Variants in PTPRR observed in about 807,000 individuals in gnomAD.
PTPRR encodes the protein protein tyrosine phosphatase receptor type R.
A neutral mutation model predicts 77.2 loss-of-function variants in PTPRR; 38 were observed. The ratio of observed to expected loss-of-function variants is 0.49; its 90% confidence interval spans 0.38 to 0.65. PTPRR has a LOEUF of 0.65. Ranked by LOEUF, PTPRR falls within the 30% of genes least tolerant of loss-of-function variation. PTPRR has a pLI of 0.00. For missense variants in PTPRR, 744 were observed against 799.2 expected (o/e 0.93, Z 0.83); for synonymous variants, 299 against 283.1 (o/e 1.06, Z -0.57).
chr12:70,737,205 G>A (rs1004208648), intron 6 of PTPRR, among the ~76,000 whole-genome samples: 1 of 152,122 alleles, frequency 6.6e-6, no homozygotes, highest in Non-Finnish European at 1.5e-5. Flanking sequence ...TCCATGAGGG[G>A]CCACTCATGC....
chr12:70,638,187 T>G lies in PTPRR; in HGVS notation c.*997A>C, dbSNP rs1885826804. 1 of 151,828 alleles carries G rather than the reference T, an allele frequency of 6.6e-6. No individual in the cohort carries two copies. Among genetic ancestry groups the G allele is most frequent in the Non-Finnish European group, 1.5e-5 (1 of 68,008 alleles). The allele number at this position is 151,828 out of a possible 1,614,324, so 9.4% of individuals were successfully genotyped here. On this transcript the variant is annotated 3_prime_UTR_variant, in exon 14 of 14. Coordinates refer to ENST00000283228, the MANE Select transcript of PTPRR (RefSeq NM_002849.4). Reference sequence around the variant, plus strand: ...GTTTGCTGAGGGTAGTTATTTTAATTTTTTTTGTCTCTTGAAGATTGAAAG... The same window carrying G: ...GTTTGCTGAGGGTAGTTATTTTAATGTTTTTTGTCTCTTGAAGATTGAAAG...
chr12:70,773,631 T>C (rs1194990855), intron 2 of PTPRR, among the ~76,000 whole-genome samples: 1 of 152,060 alleles, frequency 6.6e-6, no homozygotes, highest in Non-Finnish European at 1.5e-5. Flanking sequence ...GGTACATGAA[T>C]CCAGACACAA....
intron 8 of PTPRR, among the ~76,000 whole-genome samples, chr12:70,693,412 T>C (rs891741930): frequency 1.3e-5 from 2 of 152,134 alleles, no homozygotes; most frequent in Non-Finnish European, 2.9e-5. Context: ...TCCTCCTGCC[T>C]CAGCCTCCCA....
chr12:70,771,221 C>T (rs145291878), intron 2 of PTPRR, among the ~76,000 whole-genome samples: 1 of 151,518 alleles, frequency 6.6e-6, no homozygotes, highest in African/African-American at 2.4e-5. Context: ...ATTATGCAGC[C>T]ATAAAAAATG....
intron 8 of PTPRR, among the ~76,000 whole-genome samples, chr12:70,695,445 C>A (rs776681108): frequency 6.6e-6 from 1 of 152,112 alleles, no homozygotes; most frequent in South Asian, 2.1e-4. Context: ...GTGGGTGGGG[C>A]ATTCAGCCTG....
At chr12:70,695,739 C>G (rs932095242) in intron 8 of PTPRR, among the ~76,000 whole-genome samples, 5 of 151,218 alleles carry the variant, frequency 3.3e-5, no homozygotes, top group Non-Finnish European at 7.4e-5. Context: ...AAAAATTTAA[C>G]AGAGAGAGAG....
rs913132042 is a variant in PTPRR at position 70,910,822 on chromosome 12, T to C, written c.58+9511A>G. Among the ~76,000 whole-genome samples, 8 of 152,288 alleles carry C rather than the reference T, an allele frequency of 5.3e-5. No individual in the cohort carries two copies. In the East Asian group the frequency reaches 1.5e-3, roughly 29 times the overall value. On this transcript the variant is annotated intron_variant, in intron 1 of 13. Transcript: ENST00000283228. The stretch of plus-strand genomic sequence containing the variant: ...TGAGGACTCATGTGAATTGCCCTAG[T>C]GAGCTTCTTAAATGTCATGAAATTT...
Position 70,920,515 on chromosome 12 carries a change from G to T in PTPRR, c.-125C>A. The stretch of plus-strand genomic sequence containing the variant: ...GGATTCAGGTCCTCGGCTGGGGTTT[G>T]CAGAGCAGTCAGTCTGTGGCGCCGA... On this transcript the variant is annotated 5_prime_UTR_variant, in exon 1 of 14. Transcript: ENST00000283228. 1.1e-6 allele frequency: 1 copy of T among 872,070 alleles called. No individual in the cohort carries two copies. The highest frequency in any genetic ancestry group is 1.8e-6 in the Non-Finnish European group (1 of 552,488). The allele number at this position is 872,070 out of a possible 1,614,324, so 54.0% of individuals were successfully genotyped here.
intron 2 of PTPRR, among the ~76,000 whole-genome samples, chr12:70,777,311 C>A (rs1048796773): frequency 1.3e-5 from 2 of 151,342 alleles, no homozygotes; most frequent in Non-Finnish European, 2.9e-5. Context: ...TTTTATTCTT[C>A]CTTGGTTTTC....
At chr12:70,847,013 C>G (rs1892496000) in intron 2 of PTPRR, among the ~76,000 whole-genome samples, 1 of 152,096 alleles carries the variant, frequency 6.6e-6, no homozygotes, top group Non-Finnish European at 1.5e-5. Flanking sequence ...CCTGGGGTGT[C>G]CAGGCACTGT....
chr12:70,805,883 AT>A (rs1470679793), intron 2 of PTPRR, among the ~76,000 whole-genome samples: 3 of 152,194 alleles, frequency 2.0e-5, no homozygotes, highest in African/African-American at 7.2e-5. Context: ...ATATACACAT[AT>A]ATAGTTCTAA....
At chr12:70,901,023 T>C (rs1181784968) in intron 1 of PTPRR, among the ~76,000 whole-genome samples, 6 of 151,586 alleles carry the variant, frequency 4.0e-5, no homozygotes. Flanking sequence ...GCAGAATATA[T>C]ACTAATTGAG....
At chr12:70,762,614 A>G (rs1890718856) in intron 3 of PTPRR, among the ~76,000 whole-genome samples, 1 of 152,254 alleles carries the variant, frequency 6.6e-6, no homozygotes, top group Non-Finnish European at 1.5e-5. Context: ...CAACTACTGT[A>G]GGTACAGAGC....
intron 6 of PTPRR, among the ~76,000 whole-genome samples, chr12:70,704,451 A>G (rs1888543679): frequency 6.6e-6 from 1 of 151,950 alleles, no homozygotes; most frequent in African/African-American, 2.4e-5. Flanking sequence ...ATACATAAAT[A>G]ACGAAAAAAA....
chr12:70,712,286 C>T (rs957060982), intron 6 of PTPRR, among the ~76,000 whole-genome samples: 1 of 151,792 alleles, frequency 6.6e-6, no homozygotes, highest in Non-Finnish European at 1.5e-5. Flanking sequence ...CAGATTCTTG[C>T]CAGTATAAAT....
At chr12:70,709,749 A>T (rs1224461141) in intron 6 of PTPRR, among the ~76,000 whole-genome samples, 2 of 152,198 alleles carry the variant, frequency 1.3e-5, no homozygotes, top group African/African-American at 4.8e-5. Flanking sequence ...AATTGCCCCA[A>T]AAGGATAAAA....
chr12:70,821,813 C>G (rs534846984), intron 2 of PTPRR, among the ~76,000 whole-genome samples: 1 of 152,010 alleles, frequency 6.6e-6, no homozygotes, highest in Admixed American at 6.5e-5. Flanking sequence ...TACAGGCGCC[C>G]GCCACCACGC....
At chr12:70,839,348 G>A (rs948186568) in intron 2 of PTPRR, among the ~76,000 whole-genome samples, 1 of 151,732 alleles carries the variant, frequency 6.6e-6, no homozygotes, top group Non-Finnish European at 1.5e-5. Context: ...TGTTAAAAGT[G>A]TCCAATACAT....
At chr12:70,908,566 G>A (rs922867140) in intron 1 of PTPRR, among the ~76,000 whole-genome samples, 3 of 152,112 alleles carry the variant, frequency 2.0e-5, no homozygotes, top group South Asian at 2.1e-4. Flanking sequence ...AGAGGAAGCC[G>A]CCCCATGATT....
Sources: allele counts gnomAD v4.1 joint callset (sites outside exome capture counted in the v4.1 genomes callset), GRCh38; gene constraint gnomAD v4.1.1; transcripts MANE v1.5; gene names NCBI Gene and HGNC (gene_info 2026-07-23, HGNC 2026-07-21).